Variants in TENM4 observed in about 807,000 individuals in gnomAD.
TENM4 encodes teneurin-4.
Under a neutral mutation model 243.3 loss-of-function variants are expected in TENM4, and 82 were observed. The observed-to-expected ratio is 0.34, with a 90% confidence interval of 0.28 to 0.40. The LOEUF is 0.40. Among genes scored for constraint, TENM4 ranks in the 10% least tolerant of loss-of-function variants. TENM4 has a pLI of 1.00. For missense variants in TENM4, 3,138 were observed against 3,673.3 expected (o/e 0.85, Z 3.77); for synonymous variants, 1,412 against 1,456.3 (o/e 0.97, Z 0.69).
intron 4 of TENM4, among the ~76,000 whole-genome samples, chr11:79,132,354 A>AAAAAAAAAAAAAAAAAAAAAAAG (rs1862024528): frequency 1.3e-5 from 2 of 149,616 alleles, no homozygotes; most frequent in Non-Finnish European, 3.0e-5. Flanking sequence ...TCAAAAAAAA[A>AAAAAAAAAAAAAAAAAAAAAAAG]AAAAAAAAGA....
intron 1 of TENM4, among the ~76,000 whole-genome samples, chr11:79,434,211 A>G (rs536975643): frequency 6.6e-6 from 1 of 152,342 alleles, no homozygotes; most frequent in African/African-American, 2.4e-5. Flanking sequence ...AATAGCATGT[A>G]GGCATGTTGA....
At chr11:79,212,047 C>G (rs536230031) in intron 3 of TENM4, among the ~76,000 whole-genome samples, 1 of 152,162 alleles carries the variant, frequency 6.6e-6, no homozygotes, top group African/African-American at 2.4e-5. Flanking sequence ...ACATTTAGTG[C>G]CCCAGCACCG....
intron 3 of TENM4, among the ~76,000 whole-genome samples, chr11:79,176,466 A>G (rs1863161561): frequency 6.6e-6 from 1 of 152,240 alleles, no homozygotes; most frequent in Non-Finnish European, 1.5e-5. Flanking sequence ...ACTACATGTT[A>G]TTAATAACTA....
intron 19 of TENM4, among the ~76,000 whole-genome samples, chr11:78,748,709 A>T (rs1278646205): frequency 1.3e-5 from 2 of 152,194 alleles, no homozygotes; most frequent in Non-Finnish European, 1.5e-5. Flanking sequence ...GCTTAAAACA[A>T]GGGTGATAAA....
intron 6 of TENM4, among the ~76,000 whole-genome samples, chr11:78,979,153 G>A (rs1288967403): frequency 3.9e-5 from 6 of 152,168 alleles, no homozygotes; most frequent in Non-Finnish European, 7.4e-5. Flanking sequence ...TGAGCTAGTT[G>A]GAGGAGGGCA....
intron 1 of TENM4, among the ~76,000 whole-genome samples, chr11:79,358,065 A>G (rs1465468348): frequency 6.6e-6 from 1 of 152,028 alleles, no homozygotes; most frequent in Non-Finnish European, 1.5e-5. Flanking sequence ...CTCTAGGGCT[A>G]CCCCCCAAAA....
intron 1 of TENM4, among the ~76,000 whole-genome samples, chr11:79,422,420 T>C (rs951848660): frequency 6.6e-6 from 1 of 152,232 alleles, no homozygotes; most frequent in Admixed American, 6.5e-5. Flanking sequence ...CATCTCTTTT[T>C]GTAACATGGA....
intron 6 of TENM4, among the ~76,000 whole-genome samples, chr11:79,024,923 C>A (rs1158911043): frequency 6.6e-6 from 1 of 152,196 alleles, no homozygotes; most frequent in Non-Finnish European, 1.5e-5. Flanking sequence ...TTGTCACCAG[C>A]ATCTTAGAGA....
chr11:79,180,119 A>C (rs1863252276), intron 3 of TENM4, among the ~76,000 whole-genome samples: 1 of 151,706 alleles, frequency 6.6e-6, no homozygotes, highest in African/African-American at 2.4e-5. Context: ...GCAATGAGGA[A>C]AGGGAAAACA....
At position 78,676,145 on chromosome 11, in the gene TENM4, C is replaced by A; in HGVS notation, c.5496+7G>T. 1 of 1,499,704 alleles carries A rather than the reference C, an allele frequency of 6.7e-7. No individual in the cohort carries two copies. The allele number at this position is 1,499,704 out of a possible 1,614,324, so 92.9% of individuals were successfully genotyped here. ...AGGACGCAGCCACCTCCAGAGGCCT[C>A]GCTCACCCGCAGCCGGCGCCCAAAG... is the stretch of plus-strand genomic sequence containing the variant. On this transcript the variant is annotated splice_region_variant and intron_variant, in intron 30 of 33. Coordinates refer to ENST00000278550, the MANE Select transcript of TENM4 (RefSeq NM_001098816.3).
At chr11:78,934,785 T>C (rs77153889) in intron 6 of TENM4, among the ~76,000 whole-genome samples, 499 of 152,334 alleles carry the variant, frequency 3.3e-3, no homozygotes, top group African/African-American at 0.012. Context: ...GATCTGGAGA[T>C]GATATGAATT....
Position 78,658,351 on chromosome 11 carries a change from G to C in TENM4, c.8017C>G (p.Leu2673Val). Residue 2673 changes from leucine to valine, a missense_variant, in exon 34 of 34, where the codon CTG becomes GTG. Physicochemically the swap from Leu to Val is conservative, Grantham distance 32. Coordinates refer to ENST00000278550, the MANE Select transcript of TENM4 (RefSeq NM_001098816.3). ...YTDIQLQYGA[L>V]CLNTRYGTTL... The stretch of plus-strand genomic sequence containing the variant: ...GTCCCGTAGCGTGTGTTCAAGCACA[G>C]TGCCCCGTACTGGAGCTGGATGTCT... 1 of 1,613,866 alleles carries C rather than the reference G, an allele frequency of 6.2e-7. No homozygotes were observed. The highest frequency in any genetic ancestry group is 8.5e-7 in the Non-Finnish European group (1 of 1,179,800).
intron 6 of TENM4, among the ~76,000 whole-genome samples, chr11:78,915,030 A>C (rs1426047379): frequency 2.6e-5 from 4 of 151,688 alleles, no homozygotes; most frequent in Non-Finnish European, 4.4e-5. Context: ...ACAGTACGAG[A>C]CCCCCCACCA....
At chr11:79,368,725 G>A (rs950310216) in intron 1 of TENM4, among the ~76,000 whole-genome samples, 2 of 152,220 alleles carry the variant, frequency 1.3e-5, no homozygotes, top group African/African-American at 2.4e-5. Flanking sequence ...GGGTTATTGT[G>A]AGGAGTGAAT....
At chr11:79,428,106 C>T (rs542768873) in intron 1 of TENM4, among the ~76,000 whole-genome samples, 72 of 152,334 alleles carry the variant, frequency 4.7e-4, no homozygotes, top group South Asian at 1.9e-3. Flanking sequence ...CTTAGACTGG[C>T]GGCATCAACA....
intron 2 of TENM4, among the ~76,000 whole-genome samples, chr11:79,227,943 G>C (rs1046063954): frequency 1.3e-5 from 2 of 152,198 alleles, no homozygotes; most frequent in Non-Finnish European, 2.9e-5. Flanking sequence ...CAACTGTAGA[G>C]GGTAGCATTG....
At chr11:79,083,967 ATG>A (rs138997875) in intron 4 of TENM4, among the ~76,000 whole-genome samples, 2 of 151,596 alleles carry the variant, frequency 1.3e-5, no homozygotes, top group African/African-American at 2.4e-5. Context: ...ATATATATAT[ATG>A]TGTGTGTGTG....
At chr11:78,895,446 G>A (rs1855770496) in intron 7 of TENM4, among the ~76,000 whole-genome samples, 1 of 152,090 alleles carries the variant, frequency 6.6e-6, no homozygotes, top group African/African-American at 2.4e-5. Flanking sequence ...GAGGCCCAGA[G>A]AGACATGTGC....
At chr11:78,818,978 T>C (rs1297185009) in intron 12 of TENM4, among the ~76,000 whole-genome samples, 2 of 148,252 alleles carry the variant, frequency 1.3e-5, no homozygotes, top group South Asian at 2.1e-4. Flanking sequence ...AAAAAAAAAA[T>C]ACATGATTTT....
Sources: gnomAD v4.1 joint callset for allele counts (sites outside exome capture counted in the v4.1 genomes callset) on GRCh38, gnomAD v4.1.1 for gene constraint, MANE v1.5 for transcripts, NCBI Gene and HGNC (gene_info 2026-07-23, HGNC 2026-07-21) for gene names.